The following C10orf67 variants were observed in gnomAD, a reference collection of about 807,000 sequenced individuals.
C10orf67 encodes chromosome 10 open reading frame 67.
In C10orf67, 60 loss-of-function variants were observed where a neutral mutation model predicts 35.6. The ratio of observed to expected loss-of-function variants is 1.68; its 90% confidence interval spans 1.37 to 2.09. The LOEUF (loss-of-function observed/expected upper bound fraction) is 2.09. C10orf67 is among the 30% of genes most tolerant of loss of function. The probability of loss-of-function intolerance (pLI) is 0.00; values close to 1 mark genes in which losing one functional copy is unlikely to be tolerated. For missense variants in C10orf67, 474 were observed against 330.2 expected (o/e 1.44, Z -3.38); for synonymous variants, 167 against 115.8 (o/e 1.44, Z -2.84).
chr10:23,278,695 T>G (rs973027014), intron 8 of C10orf67, among the ~76,000 whole-genome samples: 1 of 152,104 alleles, frequency 6.6e-6, no homozygotes, highest in Non-Finnish European at 1.5e-5. Flanking sequence ...GCATCTGACC[T>G]CCGACCTGAA....
At chr10:23,211,812 A>G (rs1272503471) in intron 15 of C10orf67, among the ~76,000 whole-genome samples, 1 of 152,208 alleles carries the variant, frequency 6.6e-6, no homozygotes, top group Non-Finnish European at 1.5e-5. Flanking sequence ...GAACAATGGT[A>G]TAGTGAGTTC....
intron 1 of C10orf67, among the ~76,000 whole-genome samples, chr10:23,333,859 A>G (rs1466955171): frequency 6.6e-6 from 1 of 152,148 alleles, no homozygotes; most frequent in African/African-American, 2.4e-5. Flanking sequence ...CAGCTACTAT[A>G]GAGGCTGAGG....
chr10:23,308,249 C>A (rs1264810699), intron 4 of C10orf67, among the ~76,000 whole-genome samples: 2 of 152,188 alleles, frequency 1.3e-5, no homozygotes, highest in African/African-American at 4.8e-5. Context: ...CCACTACAAT[C>A]TTCGTACTTG....
intron 13 of C10orf67, among the ~76,000 whole-genome samples, chr10:23,233,422 A>G (rs746615338): frequency 3.4e-4 from 52 of 152,212 alleles, no homozygotes; most frequent in Non-Finnish European, 5.1e-4. Context: ...CCAGAACAAA[A>G]GGAAAAGACT....
chr10:23,251,733 A>G (rs1170011740), intron 10 of C10orf67, among the ~76,000 whole-genome samples: 2 of 152,254 alleles, frequency 1.3e-5, no homozygotes, highest in Non-Finnish European at 2.9e-5. Context: ...AGTCATTATT[A>G]TATCTTAGAT....
intron 5 of C10orf67, among the ~76,000 whole-genome samples, chr10:23,292,657 T>G (rs535698680): frequency 6.6e-6 from 1 of 152,304 alleles, no homozygotes; most frequent in South Asian, 2.1e-4. Flanking sequence ...TGATTTAAAT[T>G]TTTTGTAGTA....
At chr10:23,292,261 C>T (rs775354899) in intron 5 of C10orf67, among the ~76,000 whole-genome samples, 1 of 132,908 alleles carries the variant, frequency 7.5e-6, no homozygotes, top group Non-Finnish European at 1.5e-5. Context: ...TATTGCCATG[C>T]ATTAAAAAAA....
chr10:23,266,926 A>C lies in C10orf67; in HGVS notation c.1035+269T>G, dbSNP rs561834647. Among the ~76,000 whole-genome samples the C allele has an allele frequency of 5.3e-5, 8 of 152,148 alleles. No individual in the cohort carries two copies. In the South Asian group the frequency reaches 1.2e-3, roughly 24 times the overall value. ...CCACTTTATTTATTTATTTATTTTT[A>C]AAGAGATAGAGTCTCACTGTGTTGC... On this transcript the variant is annotated intron_variant, in intron 9 of 15. Coordinates refer to ENST00000636213, the MANE Select transcript of C10orf67 (RefSeq NM_001371909.1).
In C10orf67 at chr10:23,204,113, C is replaced by A. The variant is rs1479194779; in HGVS notation, c.*60G>T. 6.8e-5 allele frequency: 32 copies of A among 470,140 alleles called. No homozygotes were observed. In the East Asian group the frequency reaches 1.0e-3, roughly 15 times the overall value. The allele number at this position is 470,140 out of a possible 1,614,324, so 29.1% of individuals were successfully genotyped here. On this transcript the variant is annotated 3_prime_UTR_variant, in exon 16 of 16. Coordinates refer to ENST00000636213, the MANE Select transcript of C10orf67 (RefSeq NM_001371909.1). ...TCCTTTCCGAGGGAGGCACCTTACA[C>A]CAGGACGGCGAGGCCACTCTTTCTG...
chr10:23,323,894 AATATATATATATATATATATAT>A (rs137983793), intron 2 of C10orf67, among the ~76,000 whole-genome samples: 1,368 of 42,826 alleles, frequency 0.032, 143 homozygotes, highest in Non-Finnish European at 0.058. Flanking sequence ...ACTCCGTCTA[AATATATATATATATATATATAT>A]ATATATATAT....
Position 23,310,888 on chromosome 10 carries a change from T to C in C10orf67, c.547-7429A>G, listed in dbSNP as rs190463647. 1.9e-4 allele frequency among the ~76,000 whole-genome samples: 29 copies of C among 152,314 alleles called. No individual in the cohort carries two copies. The East Asian group carries it at 2.1e-3, about 11-fold the overall frequency. ...AGATCTCTCTTATATTTCCTGGAGA[T>C]GGATGATGGGCTAGTACTGGCCAAT... On this transcript the variant is annotated intron_variant, in intron 4 of 15. Transcript: ENST00000636213.
In C10orf67 at chr10:23,204,205, G is replaced by T. The variant is rs989561834; in HGVS notation, c.1621C>A (p.Arg541Ser). Residue 541 changes from arginine (R) to serine (S), a missense_variant, in exon 16 of 16, where the codon CGC becomes AGC. Transcript: ENST00000636213. ...ACAGTCTCTGCGGGGCTGCTCTGGC[G>T]CATGGAGGGCTCCTCCAAGGACTCT... ...KEESLEEPSM[R>S]QSSPAETVD 6 of 650,118 alleles carry T rather than the reference G, an allele frequency of 9.2e-6. No homozygotes were observed. Among genetic ancestry groups the T allele is most frequent in the Non-Finnish European group, 1.7e-5 (6 of 347,736 alleles). The allele number at this position is 650,118 out of a possible 1,614,324, so 40.3% of individuals were successfully genotyped here.
chr10:23,242,057 C>A (rs1842197292), intron 12 of C10orf67, among the ~76,000 whole-genome samples: 1 of 151,972 alleles, frequency 6.6e-6, no homozygotes. Context: ...CTGCAACTTC[C>A]ACCTCCTGGG....
intron 8 of C10orf67, among the ~76,000 whole-genome samples, chr10:23,276,653 A>G (rs1290620755): frequency 1.3e-5 from 2 of 152,032 alleles, no homozygotes; most frequent in Non-Finnish European, 2.9e-5. Context: ...CCTGCACCAC[A>G]CATTCTAGAG....
chr10:23,223,541 T>C (rs780025208), intron 15 of C10orf67, 57 bp downstream of exon 15: 276 of 714,440 alleles, frequency 3.9e-4, no homozygotes, highest in Non-Finnish European at 6.6e-4. Flanking sequence ...GCAAAGTTAA[T>C]CTAGACTAAG....
intron 5 of C10orf67, among the ~76,000 whole-genome samples, chr10:23,302,745 T>C (rs1254854425): frequency 6.6e-6 from 1 of 152,234 alleles, no homozygotes; most frequent in Non-Finnish European, 1.5e-5. Flanking sequence ...AGGTTCTTCT[T>C]TCTGCCTTCT....
At chr10:23,304,520 C>T (rs1844201678) in intron 4 of C10orf67, among the ~76,000 whole-genome samples, 3 of 152,210 alleles carry the variant, frequency 2.0e-5, no homozygotes, top group South Asian at 2.1e-4. Flanking sequence ...GAAGTAGCCC[C>T]GTGACCCAGC....
intron 12 of C10orf67, among the ~76,000 whole-genome samples, chr10:23,250,164 A>G (rs1461003483): frequency 6.6e-6 from 1 of 152,224 alleles, no homozygotes; most frequent in Non-Finnish European, 1.5e-5. Flanking sequence ...TAATAGCCCT[A>G]TGAAAGAAGA....
chr10:23,326,403 C>G (rs1322943188), intron 2 of C10orf67, among the ~76,000 whole-genome samples: 1 of 152,106 alleles, frequency 6.6e-6, no homozygotes, highest in Non-Finnish European at 1.5e-5. Context: ...CAAAACAAAA[C>G]ACAACTTGTC....
Sources: gnomAD v4.1 joint callset for allele counts (sites outside exome capture counted in the v4.1 genomes callset) on GRCh38, gnomAD v4.1.1 for gene constraint, MANE v1.5 for transcripts, NCBI Gene and HGNC (gene_info 2026-07-23, HGNC 2026-07-21) for gene names.